The following PCDHGA9 variants were observed in gnomAD, a reference collection of about 807,000 sequenced individuals.
PCDHGA9 encodes protocadherin gamma-A9.
Under a neutral mutation model 62.5 loss-of-function variants are expected in PCDHGA9, and 37 were observed. That is an observed-to-expected ratio of 0.59 (90% CI 0.46 to 0.78). The LOEUF (loss-of-function observed/expected upper bound fraction) is 0.78. Ranked by LOEUF, PCDHGA9 falls within the 30% of genes least tolerant of loss-of-function variation. The probability of loss-of-function intolerance (pLI) is 0.00; values close to 1 mark genes in which losing one functional copy is unlikely to be tolerated. For synonymous variants in PCDHGA9, 459 were observed against 484.6 expected, an observed-to-expected ratio of 0.95 and a Z score of 0.69; for missense variants, 1,138 against 1,166.2, an observed-to-expected ratio of 0.98 and a Z score of 0.35.
At chr5:141,420,275 G>T in intron 1 of PCDHGA9, 1 of 1,524,576 alleles carries the variant, frequency 6.6e-7, no homozygotes, top group Non-Finnish European at 8.9e-7. Flanking sequence ...TCTTAAACAG[G>T]TAAGTATTTA....
At chr5:141,436,074 G>A (rs1048063491) in intron 1 of PCDHGA9, among the ~76,000 whole-genome samples, 3 of 152,058 alleles carry the variant, frequency 2.0e-5, no homozygotes, top group Non-Finnish European at 4.4e-5. Context: ...TAAGTACAGT[G>A]TTCTATAGGT....
intron 2 of PCDHGA9, among the ~76,000 whole-genome samples, chr5:141,500,894 C>CAG (rs10656935): frequency 0.58 from 88,074 of 150,994 alleles, 27,125 homozygotes; most frequent in African/African-American, 0.78. Flanking sequence ...TTTTTTGAGA[C>CAG]AGTCTCGCTC....
intron 1 of PCDHGA9, chr5:141,422,532 A>G (rs752364905): frequency 6.2e-7 from 1 of 1,614,030 alleles, no homozygotes; most frequent in South Asian, 1.1e-5. Flanking sequence ...CTTTGTCTGC[A>G]GAAACTCATG....
Position 141,432,377 on chromosome 5 carries a change from C to T in PCDHGA9, c.2424+27001C>T. 3.7e-6 allele frequency: 6 copies of T among 1,614,240 alleles called. No homozygotes were observed. Among genetic ancestry groups the T allele is most frequent in the Non-Finnish European group, 5.1e-6 (6 of 1,180,046 alleles). On this transcript the variant is annotated intron_variant, in intron 1 of 3. Transcript: ENST00000573521. This position sits in a 1 kb window ranked among gnomAD's most constrained non-coding sequence, Gnocchi z 6.0. ...AGTGATGGCGCGGGACAACGGGCAC[C>T]CGCCCCTCAGCAGCAACGTGTCGTT...
chr5:141,457,413 A>C (rs939244132), intron 1 of PCDHGA9, among the ~76,000 whole-genome samples: 6 of 152,142 alleles, frequency 3.9e-5, no homozygotes, highest in Non-Finnish European at 5.9e-5. Flanking sequence ...CACATTACCC[A>C]TCCCTTTTTC....
At chr5:141,410,762 T>C in intron 1 of PCDHGA9, 1 of 1,171,656 alleles carries the variant, frequency 8.5e-7, no homozygotes, top group Non-Finnish European at 1.2e-6. Flanking sequence ...GTTTTTTCAA[T>C]TATAGTTTTC....
Position 141,487,272 on chromosome 5 carries a change from T to C in PCDHGA9, c.2425-7535T>C. 6.2e-7 allele frequency: 1 copy of C among 1,614,148 alleles called. No homozygotes were observed. The highest frequency in any genetic ancestry group is 8.5e-7 in the Non-Finnish European group (1 of 1,180,036). Reference sequence around the variant, plus strand: ...TACTTGGCTGTGTCCCTAGTGGCAATTTGCTTTGTCTCCTTTGGCTCATTC... The same window carrying C: ...TACTTGGCTGTGTCCCTAGTGGCAACTTGCTTTGTCTCCTTTGGCTCATTC... On this transcript the variant is annotated intron_variant, in intron 1 of 3. Coordinates refer to ENST00000573521, the MANE Select transcript of PCDHGA9 (RefSeq NM_018921.3). This position sits in a 1 kb window ranked among gnomAD's most constrained non-coding sequence, Gnocchi z 5.0.
At position 141,403,626 on chromosome 5, in the gene PCDHGA9, C is replaced by T; in HGVS notation, c.674C>T (p.Thr225Ile). 6.2e-7 allele frequency: 1 copy of T among 1,613,910 alleles called. No homozygotes were observed. The highest frequency in any genetic ancestry group is 8.5e-7 in the Non-Finnish European group (1 of 1,179,900). ...SDGGEPRRSSTVRIHVTVLDT... is the reference protein window; with the variant it reads ...SDGGEPRRSSIVRIHVTVLDT... ...GGCGGCGAGCCGCGTCGCTCCAGCACAGTGCGCATCCATGTGACAGTGTTG... is the reference window on the plus strand; with the variant it reads ...GGCGGCGAGCCGCGTCGCTCCAGCATAGTGCGCATCCATGTGACAGTGTTG... Residue 225 changes from threonine (T) to isoleucine (I), a missense_variant, in exon 1 of 4, where the codon ACA (threonine) becomes ATA (isoleucine). By Grantham distance (89) the Thr-to-Ile change is moderately conservative (BLOSUM62 -1). Coordinates refer to ENST00000573521, the MANE Select transcript of PCDHGA9 (RefSeq NM_018921.3).
At chr5:141,438,883 C>T (rs1026043786) in intron 1 of PCDHGA9, among the ~76,000 whole-genome samples, 4 of 151,728 alleles carry the variant, frequency 2.6e-5, no homozygotes, top group Non-Finnish European at 5.9e-5. Context: ...CCAGGCTGCT[C>T]TTGAACTCCT....
At chr5:141,465,922 T>A (rs7704812) in intron 1 of PCDHGA9, among the ~76,000 whole-genome samples, 42,795 of 151,826 alleles carry the variant, frequency 0.28, 6,697 homozygotes, top group African/African-American at 0.42. Flanking sequence ...GGATTTCGAG[T>A]CCATCCTGGC....
intron 1 of PCDHGA9, chr5:141,433,260 C>A: frequency 1.5e-6 from 2 of 1,352,308 alleles, no homozygotes; most frequent in South Asian, 1.4e-5. Flanking sequence ...GCGGTACGAT[C>A]ATAGCTCACT....
At chr5:141,420,468 T>G in intron 1 of PCDHGA9, 1 of 799,886 alleles carries the variant, frequency 1.3e-6, no homozygotes, top group East Asian at 3.3e-5. Context: ...CAAAGACATT[T>G]TAAAGCAAAC....
chr5:141,491,316 T>C lies in PCDHGA9; in HGVS notation c.2425-3491T>C. The C allele has an allele frequency of 3.1e-6, 5 of 1,614,176 alleles. No homozygotes were observed. The highest frequency in any genetic ancestry group is 3.4e-6 in the Non-Finnish European group (4 of 1,180,004). ...CTCCTGAGCGTTCAGACCTTACCCT[T>C]TACCTCATTGTGGCTCTAGCGACCG... is the stretch of plus-strand genomic sequence containing the variant. On this transcript the variant is annotated intron_variant, in intron 1 of 3. Coordinates refer to ENST00000573521, the MANE Select transcript of PCDHGA9 (RefSeq NM_018921.3). The surrounding 1 kb of genome is among the most constrained non-coding windows in gnomAD (Gnocchi z 6.9).
intron 1 of PCDHGA9, among the ~76,000 whole-genome samples, chr5:141,455,138 T>C (rs1393664563): frequency 6.6e-6 from 1 of 151,028 alleles, no homozygotes; most frequent in Non-Finnish European, 1.5e-5. Context: ...TTACACTGTG[T>C]TAAATAAATA....
chr5:141,410,333 A>G lies in PCDHGA9; in HGVS notation c.2424+4957A>G, dbSNP rs774436706. 4.7e-5 allele frequency: 76 copies of G among 1,613,666 alleles called. No individual in the cohort carries two copies. Among genetic ancestry groups the G allele is most frequent in the Non-Finnish European group, 4.0e-5 (47 of 1,179,884 alleles). ...CTTCCTCCTCGCCGTGATTCTGGCC[A>G]TTGCCTTGCGCCTGCGACGCTCTCT... On this transcript the variant is annotated intron_variant, in intron 1 of 3. Transcript: ENST00000573521.
intron 1 of PCDHGA9, chr5:141,420,545 A>G: frequency 3.5e-6 from 1 of 289,066 alleles, no homozygotes; most frequent in Non-Finnish European, 6.2e-6. Flanking sequence ...TATAAAATAC[A>G]GGTATATTTT....
Position 141,476,247 on chromosome 5 carries a change from G to A in PCDHGA9, c.2425-18560G>A. The A allele has an allele frequency of 6.2e-7, 1 of 1,614,042 alleles. No individual in the cohort carries two copies. Among genetic ancestry groups the A allele is most frequent in the Non-Finnish European group, 8.5e-7 (1 of 1,180,010 alleles). Reference sequence around the variant, plus strand: ...GAGATCCCGGAGGAAAGAGAGAAGGGTTTCGCTGTGGGCAACGTGGTCGCG... The same window carrying A: ...GAGATCCCGGAGGAAAGAGAGAAGGATTTCGCTGTGGGCAACGTGGTCGCG... On this transcript the variant is annotated intron_variant, in intron 1 of 3. Transcript: ENST00000573521. This position sits in a 1 kb window ranked among gnomAD's most constrained non-coding sequence, Gnocchi z 7.6.
At chr5:141,413,195 G>A (rs771456948) in intron 1 of PCDHGA9, 2 of 1,610,846 alleles carry the variant, frequency 1.2e-6, no homozygotes, top group Admixed American at 1.7e-5. Context: ...CAAAGGAATC[G>A]CTCAAAGGAA....
intron 1 of PCDHGA9, chr5:141,413,721 C>A (rs779673406): frequency 6.2e-7 from 1 of 1,613,592 alleles, no homozygotes. Context: ...ATAAGCACTT[C>A]TCCCTAAGAG....
Sources: gnomAD v4.1 joint callset for allele counts (sites outside exome capture counted in the v4.1 genomes callset) on GRCh38, gnomAD v4.1.1 for gene constraint, Gnocchi (gnomAD v3.1) non-coding constraint, MANE v1.5 for transcripts, NCBI Gene and HGNC (gene_info 2026-07-23, HGNC 2026-07-21) for gene names.